Variants in LRP1B observed in about 807,000 individuals in gnomAD.
The protein encoded by LRP1B is LDL receptor related protein 1B, also known as low-density lipoprotein receptor-related protein 1B.
LRP1B carries 217 observed loss-of-function variants against 556.6 expected under a neutral mutation model. That is an observed-to-expected ratio of 0.39 (90% CI 0.35 to 0.44). The LOEUF (loss-of-function observed/expected upper bound fraction) is 0.44. Among genes scored for constraint, LRP1B ranks in the 20% least tolerant of loss-of-function variants. The pLI is 1.00. For synonymous variants in LRP1B, 2,047 were observed against 1,865.8 expected (o/e 1.10, Z -2.50); for missense variants, 5,053 against 5,620.8 (o/e 0.90, Z 3.23).
At chr2:141,399,696 C>A (rs1431644732) in intron 3 of LRP1B, among the ~76,000 whole-genome samples, 3 of 152,206 alleles carry the variant, frequency 2.0e-5, no homozygotes, top group South Asian at 4.1e-4. Context: ...CTCATTGAAC[C>A]CCCCGTTCAA....
rs908625209 is a variant in LRP1B at position 141,140,008 on chromosome 2, CA to C, written c.1013+48412del. Among the ~76,000 whole-genome samples the C allele has an allele frequency of 3.0e-4, 44 of 148,228 alleles. No individual in the cohort carries two copies. The East Asian group carries it at 6.7e-3, about 23-fold the overall frequency. ...ATATGTAAAATGAAATACTACTCAG[CA>C]AAAAAAAAGAGATTAATTATTGATA... On this transcript the variant is annotated intron_variant, in intron 7 of 90. Coordinates refer to ENST00000389484, the MANE Select transcript of LRP1B (RefSeq NM_018557.3).
intron 35 of LRP1B, among the ~76,000 whole-genome samples, chr2:140,759,179 T>A (rs397001): frequency 0.29 from 43,646 of 151,498 alleles, 6,422 homozygotes; most frequent in South Asian, 0.39. Flanking sequence ...AGATTTTTTT[T>A]TAAAAAATAG....
chr2:141,689,516 T>C (rs1558805905), intron 2 of LRP1B, among the ~76,000 whole-genome samples: 1 of 151,538 alleles, frequency 6.6e-6, no homozygotes, highest in Non-Finnish European at 1.5e-5. Flanking sequence ...GCTATCACTT[T>C]GTAGCAAATA....
intron 86 of LRP1B, among the ~76,000 whole-genome samples, chr2:140,252,102 A>ACCC (rs1558926973): frequency 2.0e-5 from 3 of 146,964 alleles, no homozygotes; most frequent in African/African-American, 5.0e-5. Context: ...CAAAAAACAA[A>ACCC]AAAAAACAGA....
chr2:141,351,553 C>A (rs1688443351), intron 3 of LRP1B, among the ~76,000 whole-genome samples: 1 of 151,982 alleles, frequency 6.6e-6, no homozygotes, highest in African/African-American at 2.4e-5. Context: ...GACCAGAATC[C>A]ATTGTGTAAC....
chr2:141,868,956 G>A (rs1019747188), intron 1 of LRP1B, among the ~76,000 whole-genome samples: 10 of 152,088 alleles, frequency 6.6e-5, no homozygotes, highest in African/African-American at 2.2e-4. Flanking sequence ...TGTAAAGACT[G>A]CATACTAAAC....
intron 11 of LRP1B, among the ~76,000 whole-genome samples, chr2:141,030,586 G>A (rs971263344): frequency 1.3e-5 from 2 of 152,042 alleles, no homozygotes; most frequent in Non-Finnish European, 2.9e-5. Context: ...GCTGGGGATA[G>A]GAGTGCATTG....
chr2:141,103,430 A>G (rs1700515841), intron 7 of LRP1B, among the ~76,000 whole-genome samples: 1 of 151,182 alleles, frequency 6.6e-6, no homozygotes, highest in African/African-American at 2.4e-5. Flanking sequence ...CACTTGTGGC[A>G]GCAACAGAAT....
chr2:141,216,176 CA>C (rs1682804177), intron 6 of LRP1B, among the ~76,000 whole-genome samples: 3 of 152,160 alleles, frequency 2.0e-5, no homozygotes, highest in African/African-American at 7.2e-5. Flanking sequence ...TCAGCCACTA[CA>C]GCACCAGCCA....
At chr2:142,032,040 G>GA (rs1317773033) in intron 1 of LRP1B, among the ~76,000 whole-genome samples, 1 of 151,816 alleles carries the variant, frequency 6.6e-6, no homozygotes, top group Non-Finnish European at 1.5e-5. Flanking sequence ...GCATGGCCCT[G>GA]CCAACGCCTT....
chr2:141,823,241 GA>G (rs1284595405), intron 1 of LRP1B, among the ~76,000 whole-genome samples: 10 of 150,290 alleles, frequency 6.7e-5, no homozygotes, highest in Non-Finnish European at 1.0e-4. Context: ...AAAGAAAAAA[GA>G]AAAAAAAAGC....
At chr2:141,048,153 G>A (rs1698932196) in intron 11 of LRP1B, among the ~76,000 whole-genome samples, 1 of 151,960 alleles carries the variant, frequency 6.6e-6, no homozygotes, top group South Asian at 2.1e-4. Context: ...CATACAATAA[G>A]CACACAATTA....
intron 7 of LRP1B, among the ~76,000 whole-genome samples, chr2:141,147,647 G>A (rs1701819512): frequency 6.6e-6 from 1 of 152,056 alleles, no homozygotes; most frequent in African/African-American, 2.4e-5. Flanking sequence ...ATCCATAGTT[G>A]CAAGTACATT....
intron 41 of LRP1B, among the ~76,000 whole-genome samples, chr2:140,604,833 T>C (rs1017414248): frequency 1.8e-4 from 28 of 151,700 alleles, no homozygotes; most frequent in African/African-American, 6.8e-4. Context: ...CCCGTGATAG[T>C]GAAAAAGTCT....
intron 17 of LRP1B, among the ~76,000 whole-genome samples, chr2:140,983,758 T>C (rs1026331590): frequency 5.9e-5 from 9 of 152,080 alleles, no homozygotes; most frequent in Admixed American, 2.6e-4. Flanking sequence ...ATTATTGTAG[T>C]ATGTATTTTG....
At chr2:141,048,262 T>C (rs1043763223) in intron 11 of LRP1B, among the ~76,000 whole-genome samples, 23 of 152,118 alleles carry the variant, frequency 1.5e-4, no homozygotes, top group African/African-American at 5.5e-4. Flanking sequence ...TGCCTAAAAA[T>C]GACTGGCAGC....
At position 141,033,050 on chromosome 2, in the gene LRP1B, G is replaced by A. The variant is rs375154654; in HGVS notation, c.1790-12948C>T. 1.4e-4 allele frequency among the ~76,000 whole-genome samples: 22 copies of A among 152,008 alleles called. No individual in the cohort carries two copies. The East Asian group carries it at 4.3e-3, about 30-fold the overall frequency. On this transcript the variant is annotated intron_variant, in intron 11 of 90. Transcript: ENST00000389484. ...GACAGTACTGAGGAAAACTTCCCAG[G>A]GAGGTAACATTTGGAGTGAGCCTTG...
intron 2 of LRP1B, among the ~76,000 whole-genome samples, chr2:141,770,391 T>C (rs1694863479): frequency 6.6e-6 from 1 of 152,186 alleles, no homozygotes; most frequent in Non-Finnish European, 1.5e-5. Context: ...GACATGAGAA[T>C]ATTTCTTGTA....
At chr2:140,514,614 G>A (rs1689807377) in intron 51 of LRP1B, 39 bp downstream of exon 51, 2 of 1,578,726 alleles carry the variant, frequency 1.3e-6, no homozygotes, top group South Asian at 2.4e-5. Flanking sequence ...CATATATAAT[G>A]CTTAAAAACT....
Sources: allele counts gnomAD v4.1 joint callset (sites outside exome capture counted in the v4.1 genomes callset), GRCh38; gene constraint gnomAD v4.1.1; transcripts MANE v1.5; gene names NCBI Gene and HGNC (gene_info 2026-07-23, HGNC 2026-07-21).